The following ACACA variants were observed in gnomAD, a reference collection of about 807,000 sequenced individuals.
The protein encoded by ACACA is acetyl-CoA carboxylase 1.
A neutral mutation model predicts 296.1 loss-of-function variants in ACACA; 103 were observed. The observed-to-expected ratio is 0.35, with a 90% CI of 0.30 to 0.41. The LOEUF is 0.41. Ranked by LOEUF, ACACA falls within the 10% of genes least tolerant of loss-of-function variation. The probability of loss-of-function intolerance (pLI) is 1.00; values close to 1 mark genes in which losing one functional copy is unlikely to be tolerated. For missense variants in ACACA, 1,554 were observed against 2,989.7 expected (o/e 0.52, Z 11.20); for synonymous variants, 953 against 1,038.6 (o/e 0.92, Z 1.58).
At chr17:37,213,814 G>GC (rs11316017) in intron 29 of ACACA, among the ~76,000 whole-genome samples, 53,682 of 152,008 alleles carry the variant, frequency 0.35, 12,417 homozygotes, top group African/African-American at 0.65. Flanking sequence ...CAGAGTTGCC[G>GC]CTGCTAGCTG....
intron 10 of ACACA, among the ~76,000 whole-genome samples, chr17:37,268,443 A>G (rs1225265890): frequency 6.6e-6 from 1 of 152,068 alleles, no homozygotes; most frequent in Non-Finnish European, 1.5e-5. Context: ...CCTTTCTCCC[A>G]TGATGTAGTC....
At chr17:37,343,657 TG>T (rs1228765360) in intron 1 of ACACA, among the ~76,000 whole-genome samples, 4 of 150,646 alleles carry the variant, frequency 2.7e-5, no homozygotes, top group Non-Finnish European at 5.9e-5. Context: ...CCCAGCTACT[TG>T]GGAGGCTGAG....
intron 18 of ACACA, among the ~76,000 whole-genome samples, chr17:37,247,589 A>ACT (rs2080776998): frequency 1.3e-5 from 2 of 151,680 alleles, no homozygotes; most frequent in South Asian, 4.2e-4. Context: ...CCGGTCTTGA[A>ACT]CTCCCAGCCT....
At chr17:37,276,689 T>G (rs1412727800) in intron 7 of ACACA, among the ~76,000 whole-genome samples, 1 of 152,184 alleles carries the variant, frequency 6.6e-6, no homozygotes, top group Non-Finnish European at 1.5e-5. Flanking sequence ...TCCTGAGTAT[T>G]CAATTATCTT....
intron 1 of ACACA, among the ~76,000 whole-genome samples, chr17:37,349,558 T>C (rs1441547897): frequency 2.1e-5 from 3 of 144,312 alleles, no homozygotes; most frequent in Non-Finnish European, 3.0e-5. Context: ...TATATATATA[T>C]AGCTTTTTTT....
chr17:37,144,540 A>C lies in ACACA; in HGVS notation c.5679+5324T>G, dbSNP rs1364395109. 2.4e-5 allele frequency: 4 copies of C among 168,208 alleles called. No homozygotes were observed. The East Asian group carries it at 6.9e-4, about 29-fold the overall frequency. The allele number at this position is 168,208 out of a possible 1,614,324, so 10.4% of individuals were successfully genotyped here. A position where few individuals can be genotyped will look rare whatever the true frequency, so the allele number is the denominator to read the frequency against. ...AGTGCAGGTCCCTGGTGTAACAGAC[A>C]ATTCCCACTCCTGAGAGGAACTCTG... On this transcript the variant is annotated intron_variant, in intron 45 of 55. Coordinates refer to ENST00000616317, the MANE Select transcript of ACACA (RefSeq NM_198834.3).
At chr17:37,271,014 ATAG>A (rs2082043491) in intron 9 of ACACA, among the ~76,000 whole-genome samples, 153 bp from the exon 10 acceptor site, 1 of 152,238 alleles carries the variant, frequency 6.6e-6, no homozygotes, top group Non-Finnish European at 1.5e-5. Context: ...GAAAAAATAA[ATAG>A]TAGAACAATA....
At chr17:37,348,844 G>A (rs1404748652) in intron 1 of ACACA, among the ~76,000 whole-genome samples, 1 of 151,126 alleles carries the variant, frequency 6.6e-6, no homozygotes, top group African/African-American at 2.4e-5. Context: ...AGATACTCAG[G>A]AGGCTGAGGC....
chr17:37,366,842 C>T (rs1437434333), intron 1 of ACACA: 1 of 151,982 alleles, frequency 6.6e-6, no homozygotes, highest in Admixed American at 6.6e-5. Flanking sequence ...AATCCCAGCA[C>T]TTTGGGAGGC....
At chr17:37,261,853 T>C (rs1454290429) in intron 11 of ACACA, among the ~76,000 whole-genome samples, 1 of 152,214 alleles carries the variant, frequency 6.6e-6, no homozygotes, top group African/African-American at 2.4e-5. Flanking sequence ...ATGAGAGTTA[T>C]CCTGTTCCTA....
intron 1 of ACACA, among the ~76,000 whole-genome samples, chr17:37,356,580 G>A (rs1669259912): frequency 2.0e-5 from 3 of 151,958 alleles, no homozygotes; most frequent in African/African-American, 2.4e-5. Context: ...GGGTTTCACT[G>A]TGTTAGCCAG....
At chr17:37,163,972 G>A (rs749654446) in intron 41 of ACACA, among the ~76,000 whole-genome samples, 2 of 152,004 alleles carry the variant, frequency 1.3e-5, no homozygotes, top group African/African-American at 2.4e-5. Flanking sequence ...TCATTCATAC[G>A]CTAGTTACAG....
intron 3 of ACACA, chr17:37,329,009 T>C: frequency 2.5e-6 from 1 of 398,544 alleles, no homozygotes; most frequent in Non-Finnish European, 4.4e-6. Context: ...TGACCAAAGG[T>C]TAGTATCTCA....
chr17:37,363,856 C>T (rs1410638263), intron 1 of ACACA, among the ~76,000 whole-genome samples: 1 of 152,010 alleles, frequency 6.6e-6, no homozygotes, highest in African/African-American at 2.4e-5. Flanking sequence ...GGCACGGTGG[C>T]TCATGCCTGT....
intron 3 of ACACA, among the ~76,000 whole-genome samples, chr17:37,296,119 T>A: frequency 6.6e-6 from 1 of 152,038 alleles, no homozygotes; most frequent in Admixed American, 6.6e-5. Context: ...AGTTACAAAG[T>A]CATTTATTCA....
chr17:37,293,167 T>C (rs1001004751), intron 3 of ACACA, among the ~76,000 whole-genome samples: 1 of 152,242 alleles, frequency 6.6e-6, no homozygotes, highest in Non-Finnish European at 1.5e-5. Flanking sequence ...ATCTAAACTT[T>C]TCCACGTCTT....
chr17:37,393,383 T>G lies in ACACA; in HGVS notation c.38+12879A>C, dbSNP rs369989838. Among the ~76,000 whole-genome samples the G allele has an allele frequency of 7.0e-4, 107 of 152,192 alleles. 1 individual carries two copies. Among genetic ancestry groups the G allele is most frequent in the African/African-American group, 2.6e-3 (106 of 41,542 alleles). On this transcript the variant is annotated intron_variant, in intron 1 of 55. Coordinates refer to ENST00000616317, the MANE Select transcript of ACACA (RefSeq NM_198834.3). ...TCCCAAGACCACTGGTGAGGATGAT[T>G]AAAAGCATTATATACTTAGAAGCTC... is the stretch of plus-strand genomic sequence containing the variant.
At chr17:37,370,813 G>A (rs1279494076) in intron 1 of ACACA, among the ~76,000 whole-genome samples, 4 of 151,626 alleles carry the variant, frequency 2.6e-5, no homozygotes, top group African/African-American at 7.3e-5. Context: ...GCGAAACCCC[G>A]TCTCTACTAA....
At chr17:37,244,268 A>T (rs1356808310) in intron 21 of ACACA, among the ~76,000 whole-genome samples, 1 of 151,816 alleles carries the variant, frequency 6.6e-6, no homozygotes, top group Non-Finnish European at 1.5e-5. Context: ...CAGGAGGTTG[A>T]GGCAGGAGAA....
Sources: allele counts gnomAD v4.1 joint callset (sites outside exome capture counted in the v4.1 genomes callset), GRCh38; gene constraint gnomAD v4.1.1; transcripts MANE v1.5; gene names NCBI Gene and HGNC (gene_info 2026-07-23, HGNC 2026-07-21).